The following SGCD variants were observed in gnomAD, a reference collection of about 807,000 sequenced individuals.
SGCD encodes the protein sarcoglycan delta.
A neutral mutation model predicts 36.6 loss-of-function variants in SGCD; 18 were observed. That is an observed-to-expected ratio of 0.49 (90% CI 0.34 to 0.73). The LOEUF is 0.73. Among genes scored for constraint, SGCD ranks in the 30% least tolerant of loss-of-function variants. The pLI, the probability that SGCD is intolerant of heterozygous loss-of-function variation, is 0.01. For synonymous variants in SGCD, 133 were observed against 130.6 expected, an observed-to-expected ratio of 1.02 and a Z score of -0.12; for missense variants, 387 against 346.7, an observed-to-expected ratio of 1.12 and a Z score of -0.92.
intron 1 of SGCD, among the ~76,000 whole-genome samples, chr5:155,983,398 C>T (rs1040034149): frequency 6.6e-6 from 1 of 152,294 alleles, no homozygotes; most frequent in East Asian, 1.9e-4. Flanking sequence ...CTCCCAGGTT[C>T]GAGTGATTCT....
intron 7 of SGCD, among the ~76,000 whole-genome samples, chr5:156,681,143 C>T (rs1221130462): frequency 6.6e-6 from 1 of 152,174 alleles, no homozygotes; most frequent in Non-Finnish European, 1.5e-5. Flanking sequence ...ACTGTCCTCT[C>T]GGCACCCAGG....
At chr5:155,892,459 G>GAAAAAAAAAAAA (rs70981989) in intron 1 of SGCD, among the ~76,000 whole-genome samples, 1 of 94,312 alleles carries the variant, frequency 1.1e-5, no homozygotes, top group African/African-American at 3.8e-5. Flanking sequence ...ATCTGAAAAA[G>GAAAAAAAAAAAA]AAAAAAAAAA....
At chr5:156,126,081 A>G (rs1051545728) in intron 3 of SGCD, among the ~76,000 whole-genome samples, 2 of 151,828 alleles carry the variant, frequency 1.3e-5, no homozygotes, top group Admixed American at 1.3e-4. Flanking sequence ...GGGTTTTGCC[A>G]TATTGTCCAC....
At chr5:156,529,523 T>A (rs1757794638) in intron 4 of SGCD, among the ~76,000 whole-genome samples, 4 of 149,988 alleles carry the variant, frequency 2.7e-5, no homozygotes, top group Admixed American at 1.3e-4. Flanking sequence ...AAAAAAAAAA[T>A]GTTGCTGTAA....
chr5:156,051,111 G>A lies in SGCD; in HGVS notation c.-281-66767G>A, dbSNP rs1308483133. Reference sequence around the variant, plus strand: ...CACTAAGCATTTCATTTTAAAAAAGGTTTGTTTGCCTTCTTAAAATACATT... The same window carrying A: ...CACTAAGCATTTCATTTTAAAAAAGATTTGTTTGCCTTCTTAAAATACATT... On this transcript the variant is annotated intron_variant, in intron 1 of 9. Coordinates refer to the SGCD transcript ENST00000517913. Among the ~76,000 whole-genome samples the A allele has an allele frequency of 1.5e-4, 22 of 146,300 alleles. 2 individuals carry two copies. Among genetic ancestry groups the A allele is most frequent in the Admixed American group, 1.2e-3 (18 of 14,638 alleles).
rs1450083790 is a variant in SGCD, at chr5:156,397,366, T to A, written c.192+52689T>A. Among the ~76,000 whole-genome samples, 7 of 152,250 alleles carry A rather than the reference T, an allele frequency of 4.6e-5. No individual in the cohort carries two copies. In the East Asian group the frequency reaches 1.3e-3, roughly 29 times the overall value. On this transcript the variant is annotated intron_variant, in intron 3 of 8. Coordinates refer to ENST00000337851, the MANE Select transcript of SGCD (RefSeq NM_000337.6). Reference sequence around the variant, plus strand: ...TTTTTGTTTTGCTTTTTATAAACTTTTAAAAATGTAAAAACCATTCTTAGC... The same window carrying A: ...TTTTTGTTTTGCTTTTTATAAACTTATAAAAATGTAAAAACCATTCTTAGC...
At chr5:155,948,968 A>AT (rs1757499325) in intron 1 of SGCD, among the ~76,000 whole-genome samples, 1 of 152,262 alleles carries the variant, frequency 6.6e-6, no homozygotes, top group South Asian at 2.1e-4. Context: ...GAGTTTTAAA[A>AT]TTTTTATCAG....
At chr5:155,815,454 T>C in the SGCD span, among the ~76,000 whole-genome samples, 1 of 152,210 alleles carries the variant, frequency 6.6e-6, no homozygotes, top group South Asian at 2.1e-4. Context: ...TATATGTCAA[T>C]TATTAACCAA....
At chr5:156,020,204 A>G (rs375733738) in intron 1 of SGCD, among the ~76,000 whole-genome samples, 2 of 152,224 alleles carry the variant, frequency 1.3e-5, no homozygotes, top group Non-Finnish European at 2.9e-5. Flanking sequence ...CTTTCCACTT[A>G]ATGATATGTC....
intron 1 of SGCD, among the ~76,000 whole-genome samples, chr5:155,908,682 G>A (rs932954712): frequency 6.6e-6 from 1 of 152,110 alleles, no homozygotes; most frequent in Non-Finnish European, 1.5e-5. Flanking sequence ...TCAGTTTCTT[G>A]TGAGCTTTGT....
intron 4 of SGCD, among the ~76,000 whole-genome samples, chr5:156,574,817 C>T (rs1759863296): frequency 6.6e-6 from 1 of 152,206 alleles, no homozygotes; most frequent in South Asian, 2.1e-4. Context: ...CCCTGAAAGA[C>T]TCACATTGAC....
intron 7 of SGCD, among the ~76,000 whole-genome samples, chr5:156,650,000 TA>T (rs1185060244): frequency 1.3e-5 from 2 of 152,012 alleles, no homozygotes; most frequent in Non-Finnish European, 2.9e-5. Context: ...AGCGGTAAAG[TA>T]AATCTTCTGT....
intron 4 of SGCD, among the ~76,000 whole-genome samples, chr5:156,549,347 C>A (rs186262146): frequency 1.3e-5 from 2 of 152,216 alleles, no homozygotes; most frequent in Admixed American, 1.3e-4. Context: ...GTTTTATAGC[C>A]CTGGATTGTA....
intron 3 of SGCD, among the ~76,000 whole-genome samples, chr5:156,385,553 G>A (rs1199929444): frequency 6.6e-6 from 1 of 152,202 alleles, no homozygotes; most frequent in Non-Finnish European, 1.5e-5. Flanking sequence ...TTTGGACAAA[G>A]GTTTGGACAA....
intron 1 of SGCD, among the ~76,000 whole-genome samples, chr5:156,032,706 C>CAAAAAAAAAAAAAAAAAAAAAAAA (rs1171072619): frequency 6.6e-5 from 1 of 15,062 alleles, no homozygotes; most frequent in African/African-American, 1.5e-4. Context: ...GACTCCGTCT[C>CAAAAAAAAAAAAAAAAAAAAAAAA]AAAAAAAAAA....
intron 3 of SGCD, among the ~76,000 whole-genome samples, chr5:156,386,471 T>A (rs987523842): frequency 6.6e-6 from 1 of 152,392 alleles, no homozygotes; most frequent in East Asian, 1.9e-4. Context: ...ATTGAATGGA[T>A]GAATCACTGG....
intron 4 of SGCD, among the ~76,000 whole-genome samples, chr5:156,519,826 A>G (rs907940298): frequency 1.3e-5 from 2 of 151,982 alleles, no homozygotes; most frequent in African/African-American, 4.8e-5. Context: ...CCTTCCCGTT[A>G]AAAAACTCCC....
intron 4 of SGCD, among the ~76,000 whole-genome samples, chr5:156,520,122 A>G (rs754921367): frequency 2.0e-5 from 3 of 152,202 alleles, no homozygotes; most frequent in Non-Finnish European, 2.9e-5. Flanking sequence ...AAACCCTGTC[A>G]TCTCAGCTCA....
the SGCD span, among the ~76,000 whole-genome samples, chr5:155,823,054 A>G: frequency 3.5e-5 from 5 of 142,130 alleles, no homozygotes; most frequent in Admixed American, 7.4e-5. Context: ...CTATATCTCT[A>G]TATCTCTATA....
Sources: gnomAD v4.1 joint callset for allele counts (sites outside exome capture counted in the v4.1 genomes callset) on GRCh38, gnomAD v4.1.1 for gene constraint, MANE v1.5 for transcripts, NCBI Gene and HGNC (gene_info 2026-07-23, HGNC 2026-07-21) for gene names.